Variants in ADAMTSL2 observed in about 807,000 individuals in gnomAD.
ADAMTSL2 encodes the protein ADAMTS like 2, also known as ADAMTS-like protein 2.
Under a neutral mutation model 117.0 loss-of-function variants are expected in ADAMTSL2, and 55 were observed. The observed-to-expected ratio is 0.47, with a 90% CI of 0.38 to 0.59. The LOEUF (loss-of-function observed/expected upper bound fraction) is 0.59. Ranked by LOEUF, ADAMTSL2 falls within the 20% of genes least tolerant of loss-of-function variation. ADAMTSL2 has a pLI of 0.00. For missense variants in ADAMTSL2, 1,182 were observed against 1,354.5 expected (o/e 0.87, Z 2.00); for synonymous variants, 572 against 566.4 (o/e 1.01, Z -0.14).
intron 7 of ADAMTSL2, among the ~76,000 whole-genome samples, chr9:133,543,246 A>G (rs1830267477): frequency 6.6e-6 from 1 of 152,150 alleles, no homozygotes; most frequent in South Asian, 2.1e-4. Flanking sequence ...TGTGGCAAAA[A>G]CACCATATAC....
Position 133,555,605 on chromosome 9 carries a change from G to C in ADAMTSL2, c.1324G>C (p.Glu442Gln), listed in dbSNP as rs1830587569. 3 of 1,613,240 alleles carry C rather than the reference G, an allele frequency of 1.9e-6. No individual in the cohort carries two copies. In the East Asian group the frequency reaches 6.7e-5, roughly 36 times the overall value. ...TPLTGDKDDEEVDTHFASQEF... is the reference protein window; with the variant it reads ...TPLTGDKDDEQVDTHFASQEF... Reference sequence around the variant, plus strand: ...TCTCACCGGGGACAAGGATGACGAAGAGGTTGACACCCACTTCGCCTCCCA... The same window carrying C: ...TCTCACCGGGGACAAGGATGACGAACAGGTTGACACCCACTTCGCCTCCCA... The change falls in exon 11 of 19, where the codon GAG (glutamate) becomes CAG (glutamine). Residue 442 changes from glutamate (E) to glutamine (Q), a missense_variant. Around this residue, in one of 3 missense-constraint regions of ADAMTSL2, gnomAD observed 345 missense variants for 325.8 expected, o/e 1.06. Coordinates refer to ENST00000651351, the MANE Select transcript of ADAMTSL2 (RefSeq NM_014694.4).
chr9:133,533,505 T>A (rs982760774), upstream of ADAMTSL2, among the ~76,000 whole-genome samples: 1 of 152,204 alleles, frequency 6.6e-6, no homozygotes, highest in East Asian at 1.9e-4. Context: ...TTCTTCCACC[T>A]GTGAAATGCA....
chr9:133,558,115 C>T lies in ADAMTSL2; in HGVS notation c.1649+2185C>T, dbSNP rs4962251. 0.21 allele frequency among the ~76,000 whole-genome samples: 32,521 copies of T among 152,122 alleles called. 4,270 individuals carry two copies. The highest frequency in any genetic ancestry group is 0.4 in the East Asian group (2,047 of 5,144). ...CTCTTACCCTCCCCTCTTAGCCCCCCGCCCCAGGATATATTGAATTTCCAG... is the reference window on the plus strand; with the variant it reads ...CTCTTACCCTCCCCTCTTAGCCCCCTGCCCCAGGATATATTGAATTTCCAG... On this transcript the variant is annotated intron_variant, in intron 11 of 18. Coordinates refer to ENST00000651351, the MANE Select transcript of ADAMTSL2 (RefSeq NM_014694.4). This position sits in a 1 kb window ranked among gnomAD's most constrained non-coding sequence, Gnocchi z 4.3.
intron 14 of ADAMTSL2, 41 bp downstream of exon 14, chr9:133,568,527 G>T: frequency 6.4e-7 from 1 of 1,573,034 alleles, no homozygotes; most frequent in East Asian, 2.3e-5. Flanking sequence ...GGGAAGAGCT[G>T]GGGAGCTGGG....
intron 9 of ADAMTSL2, among the ~76,000 whole-genome samples, chr9:133,549,586 T>C (rs369221412): frequency 6.7e-6 from 1 of 150,320 alleles, no homozygotes; most frequent in African/African-American, 2.4e-5. Context: ...GGTCTTGCTA[T>C]GTTGTCCAGG....
At chr9:133,556,085 C>T (rs1292151916) in intron 11 of ADAMTSL2, among the ~76,000 whole-genome samples, 155 bp downstream of exon 11, 3 of 152,218 alleles carry the variant, frequency 2.0e-5, no homozygotes, top group East Asian at 1.9e-4. Flanking sequence ...CGGGGTTCTC[C>T]ACTCGCTGCC....
chr9:133,540,661 G>A lies in ADAMTSL2; in HGVS notation c.476G>A (p.Arg159Gln), dbSNP rs759233725. ...CACTGTACCACCGTGGACGGCCAGCGGCAGCTCATGGTCCCCGCCCGCGAC... is the reference window on the plus strand; with the variant it reads ...CACTGTACCACCGTGGACGGCCAGCAGCAGCTCATGGTCCCCGCCCGCGAC... ...DLHCTTVDGQ[R>Q]QLMVPARDGT... Residue 159 changes from arginine (R) to glutamine (Q), a missense_variant, in exon 6 of 19, where the codon CGG becomes CAG. Physicochemically the swap from Arg to Gln is conservative, Grantham distance 43. Coordinates refer to ENST00000651351, the MANE Select transcript of ADAMTSL2 (RefSeq NM_014694.4). The A allele has an allele frequency of 2.0e-5, 33 of 1,613,636 alleles. No homozygotes were observed. Among genetic ancestry groups the A allele is most frequent in the East Asian group, 6.7e-5 (3 of 44,900 alleles).
Position 133,575,103 on chromosome 9 carries a change from G to T in ADAMTSL2, c.*239G>T, listed in dbSNP as rs1831198800. The T allele has an allele frequency of 1.8e-6, 1 of 565,804 alleles. No individual in the cohort carries two copies. The highest frequency in any genetic ancestry group is 3.2e-6 in the Non-Finnish European group (1 of 314,102). The allele number at this position is 565,804 out of a possible 1,614,324, so 35.0% of individuals were successfully genotyped here. A position where few individuals can be genotyped will look rare whatever the true frequency, so the allele number is the denominator to read the frequency against. On this transcript the variant is annotated 3_prime_UTR_variant, in exon 19 of 19. Coordinates refer to ENST00000651351, the MANE Select transcript of ADAMTSL2 (RefSeq NM_014694.4). ...AGAGCCACCCCTGCCGTGGGAACCT[G>T]TCCGTGTTCCTGCGTGGATCCTGTG...
chr9:133,573,026 C>A (rs1588313308), intron 17 of ADAMTSL2, among the ~76,000 whole-genome samples: 1 of 152,348 alleles, frequency 6.6e-6, no homozygotes, highest in East Asian at 1.9e-4. Flanking sequence ...TGGCTCGGAG[C>A]AGGCAGGCAG....
At chr9:133,561,490 C>A (rs1249394418) in intron 12 of ADAMTSL2, among the ~76,000 whole-genome samples, 195 bp downstream of exon 12, 1 of 151,912 alleles carries the variant, frequency 6.6e-6, no homozygotes, top group Non-Finnish European at 1.5e-5. Flanking sequence ...CTCATTCTCA[C>A]AGTGTGCTAG....
intron 10 of ADAMTSL2, 70 bp from the exon 11 acceptor site, chr9:133,555,488 C>G (rs1830583940): frequency 6.2e-7 from 1 of 1,601,580 alleles, no homozygotes; most frequent in African/African-American, 1.3e-5. Context: ...GTCCAGGTCC[C>G]CTCCCCAGGG....
At position 133,562,772 on chromosome 9, in the gene ADAMTSL2, C is replaced by T. The variant is rs1416837094; in HGVS notation, c.1747+1477C>T. ...GGCACCGGCTTGGCCAGGCTCGCAC[C>T]GCTGTGGGCGGCGTGGTGGGCACCG... On this transcript the variant is annotated intron_variant, in intron 12 of 18. Coordinates refer to ENST00000651351, the MANE Select transcript of ADAMTSL2 (RefSeq NM_014694.4). 9.6e-5 allele frequency among the ~76,000 whole-genome samples: 12 copies of T among 125,000 alleles called. 1 individual carries two copies. Among genetic ancestry groups the T allele is most frequent in the Admixed American group, 9.3e-4 (12 of 12,906 alleles). The allele number at this position is 125,000 out of a possible 152,430, so 82.0% of individuals were successfully genotyped here.
intron 9 of ADAMTSL2, among the ~76,000 whole-genome samples, chr9:133,550,972 A>G (rs1830468962): frequency 6.6e-6 from 1 of 151,828 alleles, no homozygotes; most frequent in African/African-American, 2.4e-5. Context: ...AGCCACAGGT[A>G]CCTCCTCCAG....
intron 7 of ADAMTSL2, 43 bp downstream of exon 7, chr9:133,541,044 G>A: frequency 6.3e-7 from 1 of 1,592,172 alleles, no homozygotes; most frequent in Non-Finnish European, 8.5e-7. Context: ...AGCAGAGTCT[G>A]GGAATCGGGG....
At chr9:133,539,614 A>C (rs1299865939) in intron 4 of ADAMTSL2, among the ~76,000 whole-genome samples, 157 bp from the exon 5 acceptor site, 1 of 45,956 alleles carries the variant, frequency 2.2e-5, no homozygotes, top group Non-Finnish European at 5.0e-5. Context: ...GGGAGCGCGC[A>C]GGAGCCCTAG....
chr9:133,533,831 C>G (rs928165501), upstream of ADAMTSL2, among the ~76,000 whole-genome samples: 1 of 152,192 alleles, frequency 6.6e-6, no homozygotes, highest in Non-Finnish European at 1.5e-5. Context: ...CCAGCTTCCT[C>G]CTCCTCCCCT....
At chr9:133,567,102 G>A (rs1171347982) in intron 13 of ADAMTSL2, 40 bp downstream of exon 13, 2 of 1,578,434 alleles carry the variant, frequency 1.3e-6, no homozygotes, top group African/African-American at 1.3e-5. Flanking sequence ...GGTCGGCAGG[G>A]GGCGTGAGGG....
At position 133,540,581 on chromosome 9, in the gene ADAMTSL2, T is replaced by C. The variant is rs376231932; in HGVS notation, c.413-17T>C. 2.5e-6 allele frequency: 4 copies of C among 1,612,870 alleles called. No individual in the cohort carries two copies. In the African/African-American group the frequency reaches 4.0e-5, roughly 16 times the overall value. Reference sequence around the variant, plus strand: ...CCTGCCCCGCTGAAACCTTCTGTCTTTGTCTCCCTCCACCAGATGACTATG... The same window carrying C: ...CCTGCCCCGCTGAAACCTTCTGTCTCTGTCTCCCTCCACCAGATGACTATG... On this transcript the variant is annotated splice_polypyrimidine_tract_variant and intron_variant, in intron 5 of 18. Transcript: ENST00000651351.
At position 133,554,604 on chromosome 9, in the gene ADAMTSL2, G is replaced by A. The variant is rs1420476761; in HGVS notation, c.1187G>A (p.Gly396Asp). ...FGHPGLDMEL[G>D]PSQGQETNEV... ...CACCCGGGCCTGGACATGGAGCTGG[G>A]CCCCAGCCAGGGCCAGGAGACCAAC... Residue 396 changes from glycine to aspartate, a missense_variant, in exon 10 of 19, where the codon GGC (glycine) becomes GAC (aspartate). Physicochemically the swap from Gly to Asp is moderately conservative, Grantham distance 94 (BLOSUM62 -1). Transcript: ENST00000651351. This position sits in a 1 kb window ranked among gnomAD's most constrained non-coding sequence, Gnocchi z 5.2. 9.0e-6 allele frequency: 14 copies of A among 1,547,628 alleles called. No homozygotes were observed. The East Asian group carries it at 2.7e-4, about 29-fold the overall frequency.
Sources: allele counts gnomAD v4.1 joint callset (sites outside exome capture counted in the v4.1 genomes callset), GRCh38; gene constraint gnomAD v4.1.1; regional missense constraint gnomAD v4.1.1; non-coding constraint Gnocchi (gnomAD v3.1); transcripts MANE v1.5; gene names NCBI Gene and HGNC (gene_info 2026-07-23, HGNC 2026-07-21).